The following TRAK2 variants were observed in gnomAD, a reference collection of about 807,000 sequenced individuals.
TRAK2 encodes trafficking kinesin-binding protein 2.
In TRAK2, 81 loss-of-function variants were observed where a neutral mutation model predicts 104.6. That is an observed-to-expected ratio of 0.77 (90% CI 0.65 to 0.93). TRAK2 has a LOEUF of 0.93. TRAK2 is among the 40% of genes least tolerant of loss of function. The pLI is 0.00. For synonymous variants in TRAK2, 406 were observed against 394.4 expected (o/e 1.03, Z -0.35); for missense variants, 1,002 against 1,089.0 (o/e 0.92, Z 1.12).
chr2:201,428,904 C>T (rs1175558106), intron 1 of TRAK2, among the ~76,000 whole-genome samples: 1 of 152,040 alleles, frequency 6.6e-6, no homozygotes, highest in African/African-American at 2.4e-5. Flanking sequence ...AGTTGGATTC[C>T]TAGGTATTTT....
intron 2 of TRAK2, chr2:201,412,095 G>A: frequency 1.8e-6 from 2 of 1,100,964 alleles, no homozygotes; most frequent in Non-Finnish European, 2.8e-6. Flanking sequence ...AGTTCAGGTG[G>A]AATTAATGTG....
Position 201,398,237 on chromosome 2 carries a change from A to G in TRAK2, c.598T>C (p.Ser200Pro). The G allele has an allele frequency of 1.9e-6, 3 of 1,613,734 alleles. No homozygotes were observed. The highest frequency in any genetic ancestry group is 2.5e-6 in the Non-Finnish European group (3 of 1,179,748). Residue 200 changes from serine (S) to proline (P), a missense_variant, in exon 6 of 16, where the codon TCC (serine) becomes CCC (proline). Physicochemically the swap from Ser to Pro is moderately conservative, Grantham distance 74. Transcript: ENST00000332624. ...SCSTPLRFNE[S>P]FSLSQGLLQL... ...AGCAACCCTTGAGATAAGCTAAAGG[A>G]CTCATTGAACCGAAGAGGTGTAGAA...
intron 2 of TRAK2, chr2:201,413,072 T>C (rs1951662036): frequency 2.3e-6 from 2 of 863,604 alleles, no homozygotes; most frequent in Non-Finnish European, 3.9e-6. Context: ...ATCAATTATT[T>C]GATCCTTTTC....
At chr2:201,428,744 T>C (rs1315027904) in intron 1 of TRAK2, among the ~76,000 whole-genome samples, 2 of 152,256 alleles carry the variant, frequency 1.3e-5, no homozygotes, top group African/African-American at 4.8e-5. Flanking sequence ...ATTGAATCTA[T>C]AAATTACCTT....
intron 3 of TRAK2, among the ~76,000 whole-genome samples, chr2:201,401,487 G>A (rs565344491): frequency 1.3e-5 from 2 of 152,038 alleles, no homozygotes; most frequent in South Asian, 4.2e-4. Context: ...ATCAGTGAGG[G>A]GTTATGCTGT....
chr2:201,410,513 G>A (rs901425483), intron 2 of TRAK2: 2 of 934,302 alleles, frequency 2.1e-6, no homozygotes, highest in African/African-American at 1.6e-5. Flanking sequence ...ACCCATGATT[G>A]GAACTGAAAT....
In TRAK2 at chr2:201,399,437, G is replaced by C. The variant is rs750395376; in HGVS notation, c.420C>G (p.Asn140Lys). ...ATTCGTTCTGCTCAGATAAGACATG[G>C]TTCCGCTTTAAGAGAGCTTGTCCAA... ...ARIGQALLKR[N>K]HVLSEQNESL... Residue 140 changes from asparagine to lysine, a missense_variant, in exon 5 of 16, where the codon AAC (asparagine) becomes AAG (lysine). Physicochemically the swap from Asn to Lys is moderately conservative, Grantham distance 94. Transcript: ENST00000332624. The C allele has an allele frequency of 4.3e-6, 7 of 1,612,768 alleles. No individual in the cohort carries two copies. Among genetic ancestry groups the C allele is most frequent in the Non-Finnish European group, 5.9e-6 (7 of 1,179,040 alleles).
chr2:201,415,083 C>T (rs758909656), intron 2 of TRAK2, among the ~76,000 whole-genome samples: 1 of 109,062 alleles, frequency 9.2e-6, no homozygotes, highest in Non-Finnish European at 2.1e-5. Flanking sequence ...CCATTTTATC[C>T]TCCAAATGTC....
In TRAK2 at chr2:201,387,818, C is replaced by A. The variant is rs148435506; in HGVS notation, c.1581G>T (p.Pro527=). The A allele has an allele frequency of 6.2e-7, 1 of 1,614,178 alleles. No individual in the cohort carries two copies. The highest frequency in any genetic ancestry group is 1.1e-5 in the South Asian group (1 of 91,080). The change falls in exon 13 of 16, where the codon CCG becomes CCT. Residue 527 remains proline, a synonymous_variant. Transcript: ENST00000332624. ...TGCAGAGAGAGGCAAGGCTCTCTGT[C>A]GGGGTGACACAGCCACTAACTCCTT... ...QKEGVSGCVT[P]TESLASLCTT...
chr2:201,386,331 C>T lies in TRAK2; in HGVS notation c.1850G>A (p.Gly617Asp), dbSNP rs373367916. 1.9e-6 allele frequency: 3 copies of T among 1,614,118 alleles called. No homozygotes were observed. Among genetic ancestry groups the T allele is most frequent in the Non-Finnish European group, 2.5e-6 (3 of 1,180,032 alleles). ...ISDLEEDEEE[G>D]ITFQVQQPLE... is the part of the protein sequence containing the mutation. ...AGGTTGCTGAACCTGAAAAGTAATA[C>T]CCTCCTCTTCATCCTCTTCTAAATC... Residue 617 changes from glycine to aspartate, a missense_variant, in exon 14 of 16, where the codon GGT (glycine) becomes GAT (aspartate). Coordinates refer to ENST00000332624, the MANE Select transcript of TRAK2 (RefSeq NM_015049.3).
At chr2:201,449,596 T>C (rs1369459828) in intron 1 of TRAK2, among the ~76,000 whole-genome samples, 1 of 150,600 alleles carries the variant, frequency 6.6e-6, no homozygotes, top group Non-Finnish European at 1.5e-5. Context: ...GCGATTCTCC[T>C]GCCTCAGCCT....
chr2:201,380,655 C>T lies in TRAK2; in HGVS notation c.2633G>A (p.Ser878Asn). The part of the protein sequence containing the change: ...PDSAVYLNSG[S>N]SLLGGLRRNQ... The stretch of plus-strand genomic sequence containing the variant: ...CCTCCTTAGTCCACCTAATAAACTG[C>T]TACCTGAATTTAAATAAACAGCAGA... The change falls in exon 16 of 16, where the codon AGC becomes AAC. Residue 878 changes from serine (S) to asparagine (N), a missense_variant. Transcript: ENST00000332624. 2.5e-6 allele frequency: 4 copies of T among 1,614,064 alleles called. No individual in the cohort carries two copies. The highest frequency in any genetic ancestry group is 3.4e-6 in the Non-Finnish European group (4 of 1,179,984).
intron 12 of TRAK2, 119 bp downstream of exon 12, chr2:201,389,180 GA>G: frequency 1.0e-6 from 1 of 1,004,246 alleles, no homozygotes; most frequent in Non-Finnish European, 1.5e-6. Context: ...ATAAGTGAAG[GA>G]AAACTGACAG....
chr2:201,391,076 G>T (rs1357887643), intron 10 of TRAK2, among the ~76,000 whole-genome samples: 1 of 152,072 alleles, frequency 6.6e-6, no homozygotes, highest in Non-Finnish European at 1.5e-5. Flanking sequence ...TACTCTAGTA[G>T]CAATCAATGG....
Position 201,377,639 on chromosome 2 carries a change from C to T in TRAK2, c.*2904G>A, listed in dbSNP as rs542335494. On this transcript the variant is annotated 3_prime_UTR_variant, in exon 16 of 16. Transcript: ENST00000332624. ...CCTTTTAACTTATTTCCTCCCTTGC[C>T]AAAGTCTATTCATTTATGTCAAATC... 4 of 152,690 alleles carry T rather than the reference C, an allele frequency of 2.6e-5. No individual in the cohort carries two copies. The South Asian group carries it at 8.3e-4, about 32-fold the overall frequency. 9.5% of individuals were successfully genotyped at this position (152,690 alleles called of 1,614,324 possible).
In TRAK2 at chr2:201,378,750, A is replaced by G. The variant is rs539817737; in HGVS notation, c.*1793T>C. 121 of 152,324 alleles carry G rather than the reference A, an allele frequency of 7.9e-4. No individual in the cohort carries two copies. The highest frequency in any genetic ancestry group is 2.8e-3 in the African/African-American group (116 of 41,572). 9.4% of individuals were successfully genotyped at this position (152,324 alleles called of 1,614,324 possible). ...TGAAGGGGAACGAAAGGGAGAGACC[A>G]TCTTCACCCTTTGTTTTTGTGGAAT... is the stretch of plus-strand genomic sequence containing the variant. On this transcript the variant is annotated 3_prime_UTR_variant, in exon 16 of 16. Transcript: ENST00000332624.
At position 201,382,694 on chromosome 2, in the gene TRAK2, C is replaced by T. The variant is rs570376413; in HGVS notation, c.2069+1417G>A. ...AAATGCAGATTTTTTTTGTTACAGA[C>T]TTTATTGGGATCTTTAGTGGATATC... On this transcript the variant is annotated intron_variant, in intron 15 of 15. Transcript: ENST00000332624. Among the ~76,000 whole-genome samples, 5 of 152,194 alleles carry T rather than the reference C, an allele frequency of 3.3e-5. No homozygotes were observed. The South Asian group carries it at 1.0e-3, about 32-fold the overall frequency.
chr2:201,383,421 T>C (rs1951360399), intron 15 of TRAK2, among the ~76,000 whole-genome samples: 1 of 152,200 alleles, frequency 6.6e-6, no homozygotes. Flanking sequence ...GCCAGAAGAC[T>C]GAGTTCAACT....
chr2:201,418,023 A>G (rs1951708336), intron 2 of TRAK2, among the ~76,000 whole-genome samples: 1 of 152,264 alleles, frequency 6.6e-6, no homozygotes, highest in Non-Finnish European at 1.5e-5. Context: ...AAACTATAAA[A>G]TACTGGTAAG....
Sources: gnomAD v4.1 joint callset for allele counts (sites outside exome capture counted in the v4.1 genomes callset) on GRCh38, gnomAD v4.1.1 for gene constraint, MANE v1.5 for transcripts, NCBI Gene and HGNC (gene_info 2026-07-23, HGNC 2026-07-21) for gene names.